The following CSGALNACT2 variants were observed in gnomAD, a reference collection of about 807,000 sequenced individuals.
CSGALNACT2 encodes the protein chondroitin sulfate N-acetylgalactosaminyltransferase 2.
Under a neutral mutation model 55.3 loss-of-function variants are expected in CSGALNACT2, and 35 were observed. That is an observed-to-expected ratio of 0.63 (90% CI 0.48 to 0.84). The LOEUF (loss-of-function observed/expected upper bound fraction) is 0.84, where lower values mean the gene tolerates loss of function less well. Ranked by LOEUF, CSGALNACT2 falls within the 40% of genes least tolerant of loss-of-function variation. The pLI is 0.00. For missense variants in CSGALNACT2, 544 were observed against 657.5 expected, an observed-to-expected ratio of 0.83 and a Z score of 1.89; for synonymous variants, 196 against 224.9, an observed-to-expected ratio of 0.87 and a Z score of 1.15.
rs1375084934 is a variant in CSGALNACT2, at chr10:43,155,175, A to G, written c.26A>G (p.His9Arg). Reference sequence around the variant, plus strand: ...ATGCCTAGAAGAGGACTGATTCTTCACACCCGGACCCACTGGTTGCTGTTG... The same window carrying G: ...ATGCCTAGAAGAGGACTGATTCTTCGCACCCGGACCCACTGGTTGCTGTTG... Reference protein sequence around the residue: MPRRGLILHTRTHWLLLGL... With the variant: MPRRGLILRTRTHWLLLGL... The change falls in exon 2 of 8, where the codon CAC (histidine) becomes CGC (arginine). Residue 9 changes from histidine to arginine, a missense_variant. His to Arg is a conservative substitution (Grantham distance 29, BLOSUM62 0). Around this residue, in one of 2 missense-constraint regions of CSGALNACT2, gnomAD observed 374 missense variants for 401.3 expected, o/e 0.93. Transcript: ENST00000374466. 4 of 1,613,902 alleles carry G rather than the reference A, an allele frequency of 2.5e-6. No homozygotes were observed. The highest frequency in any genetic ancestry group is 3.4e-6 in the Non-Finnish European group (4 of 1,179,828).
intron 1 of CSGALNACT2, among the ~76,000 whole-genome samples, chr10:43,145,463 G>A (rs775788188): frequency 7.3e-6 from 1 of 137,032 alleles, no homozygotes; most frequent in Non-Finnish European, 1.5e-5. Flanking sequence ...GCTTTGGTGC[G>A]ATCGTAGCTC....
rs544902520 is a variant in CSGALNACT2, at chr10:43,163,539, G to A, written c.981-327G>A. 3 of 985,366 alleles carry A rather than the reference G, an allele frequency of 3.0e-6. No homozygotes were observed. In the South Asian group the frequency reaches 1.4e-4, roughly 46 times the overall value. 61.0% of individuals were successfully genotyped at this position (985,366 alleles called of 1,614,324 possible). A position where few individuals can be genotyped will look rare whatever the true frequency, so the allele number is the denominator to read the frequency against. ...TTTGTGTGTGTTATCCATTTAGAAT[G>A]CATTATTAACAGACATTACAGCTAT... On this transcript the variant is annotated intron_variant, in intron 4 of 7. Transcript: ENST00000374466.
At position 43,163,865 on chromosome 10, in the gene CSGALNACT2, G is replaced by A; in HGVS notation, c.981-1G>A. The stretch of plus-strand genomic sequence containing the variant: ...ATTTGTTGTGTGTGCTTTCCTCATA[G>A]TGAGTCTAATTTTCACAATTACACC... On this transcript the variant is annotated splice_acceptor_variant, in intron 4 of 7. Coordinates refer to ENST00000374466, the MANE Select transcript of CSGALNACT2 (RefSeq NM_018590.5). LOFTEE classifies it high-confidence loss of function. 1.9e-6 allele frequency: 3 copies of A among 1,611,628 alleles called. No individual in the cohort carries two copies. The highest frequency in any genetic ancestry group is 2.5e-6 in the Non-Finnish European group (3 of 1,178,498).
chr10:43,139,578 C>A (rs1342658865), intron 1 of CSGALNACT2, among the ~76,000 whole-genome samples: 1 of 152,200 alleles, frequency 6.6e-6, no homozygotes, highest in Middle Eastern at 3.2e-3. Flanking sequence ...ATACTTATTA[C>A]CCTGTGGAAC....
chr10:43,156,768 T>G (rs140806160), intron 2 of CSGALNACT2, among the ~76,000 whole-genome samples: 117 of 152,376 alleles, frequency 7.7e-4, no homozygotes, highest in African/African-American at 2.5e-3. Context: ...GAGAATCCAG[T>G]GCAGCCACTG....
chr10:43,177,199 A>G (rs1032866444), intron 7 of CSGALNACT2, among the ~76,000 whole-genome samples: 2 of 152,166 alleles, frequency 1.3e-5, no homozygotes, highest in African/African-American at 2.4e-5. Flanking sequence ...GCATTTCACT[A>G]TTCCTCAAAA....
At chr10:43,167,160 G>C in intron 6 of CSGALNACT2, 62 bp downstream of exon 6, 1 of 1,065,718 alleles carries the variant, frequency 9.4e-7, no homozygotes, top group East Asian at 2.4e-5. Context: ...TGTTTGTTGT[G>C]TAAGTAGAAA....
At position 43,154,945 on chromosome 10, in the gene CSGALNACT2, C is replaced by G; in HGVS notation, c.-205C>G. 2 of 551,288 alleles carry G rather than the reference C, an allele frequency of 3.6e-6. No individual in the cohort carries two copies. The highest frequency in any genetic ancestry group is 4.7e-4 in the Middle Eastern group (1 of 2,146). 34.1% of individuals were successfully genotyped at this position (551,288 alleles called of 1,614,324 possible). A position where few individuals can be genotyped will look rare whatever the true frequency, so the allele number is the denominator to read the frequency against. ...ATTTTATATATCAGATTGCTTTATT[C>G]TGGATATCATGGTAACAATACAGAA... is the stretch of plus-strand genomic sequence containing the variant. On this transcript the variant is annotated 5_prime_UTR_variant, in exon 2 of 8. Coordinates refer to ENST00000374466, the MANE Select transcript of CSGALNACT2 (RefSeq NM_018590.5).
At chr10:43,151,405 T>G (rs1164793726) in intron 1 of CSGALNACT2, among the ~76,000 whole-genome samples, 1 of 152,208 alleles carries the variant, frequency 6.6e-6, no homozygotes, top group Non-Finnish European at 1.5e-5. Flanking sequence ...AGTCTAGAGC[T>G]AATTATTTCC....
intron 3 of CSGALNACT2, 93 bp from the exon 4 acceptor site, chr10:43,160,401 C>T: frequency 1.5e-6 from 1 of 683,088 alleles, no homozygotes; most frequent in Admixed American, 2.6e-5. Context: ...TCAGTAATGC[C>T]TCATTTTCTT....
chr10:43,158,026 TAAAAAAAAAAA>T (rs770700775), intron 2 of CSGALNACT2, among the ~76,000 whole-genome samples: 2 of 99,438 alleles, frequency 2.0e-5, no homozygotes, highest in Non-Finnish European at 4.1e-5. Context: ...AGACTCCGTC[TAAAAAAAAAAA>T]AAAAAAAAAA....
chr10:43,169,541 A>C (rs777245879), intron 6 of CSGALNACT2, among the ~76,000 whole-genome samples: 1 of 152,250 alleles, frequency 6.6e-6, no homozygotes, highest in Non-Finnish European at 1.5e-5. Flanking sequence ...AGTTGAATCA[A>C]ATTTGTAAAC....
chr10:43,168,778 C>G (rs966006516), intron 6 of CSGALNACT2, among the ~76,000 whole-genome samples: 2 of 152,046 alleles, frequency 1.3e-5, no homozygotes, highest in African/African-American at 2.4e-5. Context: ...GCAAACTGAG[C>G]ACCCACGTCT....
intron 1 of CSGALNACT2, among the ~76,000 whole-genome samples, chr10:43,145,511 C>CA (rs376106834): frequency 2.6e-5 from 4 of 151,284 alleles, no homozygotes; most frequent in African/African-American, 9.7e-5. Context: ...GTGATCCTCC[C>CA]ACCTCAGCCT....
intron 2 of CSGALNACT2, among the ~76,000 whole-genome samples, chr10:43,158,326 C>G (rs1293494772): frequency 6.6e-6 from 1 of 152,084 alleles, no homozygotes; most frequent in East Asian, 1.9e-4. Context: ...CGAAGGCACT[C>G]GATTTCTTTT....
At chr10:43,151,423 G>A (rs1324664699) in intron 1 of CSGALNACT2, among the ~76,000 whole-genome samples, 1 of 152,152 alleles carries the variant, frequency 6.6e-6, no homozygotes, top group Non-Finnish European at 1.5e-5. Context: ...TCCCACTACT[G>A]AGACAAGATT....
intron 6 of CSGALNACT2, among the ~76,000 whole-genome samples, chr10:43,167,791 C>G (rs372424293): frequency 6.6e-6 from 1 of 151,708 alleles, no homozygotes; most frequent in Non-Finnish European, 1.5e-5. Context: ...AGAATCGAGT[C>G]GAGAATACCA....
At chr10:43,166,960 T>G in intron 5 of CSGALNACT2, 44 bp from the exon 6 acceptor site, 1 of 1,215,156 alleles carries the variant, frequency 8.2e-7, no homozygotes, top group Non-Finnish European at 1.2e-6. Flanking sequence ...GAACAGTTCT[T>G]CATAACTTCT....
At chr10:43,151,030 C>T (rs749542231) in intron 1 of CSGALNACT2, among the ~76,000 whole-genome samples, 4 of 152,154 alleles carry the variant, frequency 2.6e-5, no homozygotes, top group Non-Finnish European at 5.9e-5. Flanking sequence ...TTTTCATCTC[C>T]TGAAGTTTAA....
Sources: allele counts gnomAD v4.1 joint callset (sites outside exome capture counted in the v4.1 genomes callset), GRCh38; gene constraint gnomAD v4.1.1; regional missense constraint gnomAD v4.1.1; transcripts MANE v1.5; gene names NCBI Gene and HGNC (gene_info 2026-07-23, HGNC 2026-07-21).